The following SLC7A11 variants were observed in gnomAD, a reference collection of about 807,000 sequenced individuals.
SLC7A11 encodes the protein cystine/glutamate transporter.
Under a neutral mutation model 54.5 loss-of-function variants are expected in SLC7A11, and 35 were observed. The observed-to-expected ratio is 0.64, with a 90% CI of 0.49 to 0.85. SLC7A11 has a LOEUF of 0.85. Among genes scored for constraint, SLC7A11 ranks in the 40% least tolerant of loss-of-function variants. SLC7A11 has a pLI of 0.00. For missense variants in SLC7A11, 583 were observed against 618.1 expected (o/e 0.94, Z 0.60); for synonymous variants, 230 against 225.2 (o/e 1.02, Z -0.19).
Position 138,219,328 on chromosome 4 carries a change from T to G in SLC7A11, c.684A>C (p.Arg228Ser). ...GTGGCAACCGCGTAATACTTGAATC[T>G]CTTCCTGAAAAGGCGTCTTTAAAGT... is the stretch of plus-strand genomic sequence containing the variant. Reference protein sequence around the residue: ...TQNFKDAFSGRDSSITRLPLA... With the variant: ...TQNFKDAFSGSDSSITRLPLA... The change falls in exon 5 of 12, where the codon AGA (arginine) becomes AGC (serine). Residue 228 changes from arginine (R) to serine (S), a missense_variant. Physicochemically the swap from Arg to Ser is moderately radical, Grantham distance 110. Transcript: ENST00000280612. 1 of 1,611,138 alleles carries G rather than the reference T, an allele frequency of 6.2e-7. No individual in the cohort carries two copies. Among genetic ancestry groups the G allele is most frequent in the Non-Finnish European group, 8.5e-7 (1 of 1,177,462 alleles).
intron 2 of SLC7A11, among the ~76,000 whole-genome samples, chr4:138,234,218 C>T (rs1738151340): frequency 1.3e-5 from 2 of 152,098 alleles, no homozygotes; most frequent in Non-Finnish European, 2.9e-5. Flanking sequence ...ATATATAGTG[C>T]ACACGCAAAT....
intron 6 of SLC7A11, among the ~76,000 whole-genome samples, chr4:138,213,893 A>G (rs1355827693): frequency 6.6e-6 from 1 of 152,132 alleles, no homozygotes; most frequent in African/African-American, 2.4e-5. Context: ...TTTATACTAT[A>G]CTACAGTTCC....
chr4:138,183,479 A>G (rs1199871925), intron 7 of SLC7A11, among the ~76,000 whole-genome samples, 174 bp from the exon 8 acceptor site: 4 of 152,130 alleles, frequency 2.6e-5, no homozygotes, highest in Admixed American at 6.6e-5. Flanking sequence ...AATCAAAAGC[A>G]AGGACCATGG....
In SLC7A11 at chr4:138,242,203, G is replaced by T; in HGVS notation, c.-134C>A. ...CTCTCTCAGCGCTATAGTGTTCACA[G>T]GTGAAAACTCAAAGGTGTGCTTTTT... On this transcript the variant is annotated 5_prime_UTR_variant, in exon 1 of 12. The change creates a new upstream start codon in the 5' untranslated region. Coordinates refer to ENST00000280612, the MANE Select transcript of SLC7A11 (RefSeq NM_014331.4). 1.9e-6 allele frequency: 2 copies of T among 1,026,722 alleles called. No homozygotes were observed. The highest frequency in any genetic ancestry group is 2.8e-6 in the Non-Finnish European group (2 of 717,288). The allele number at this position is 1,026,722 out of a possible 1,614,324, so 63.6% of individuals were successfully genotyped here.
intron 4 of SLC7A11, 43 bp from the exon 5 acceptor site, chr4:138,219,408 G>T: frequency 8.4e-7 from 1 of 1,188,260 alleles, no homozygotes; most frequent in South Asian, 1.3e-5. Flanking sequence ...TCAAAGAATT[G>T]GTTCTTATTC....
intron 11 of SLC7A11, chr4:138,174,553 C>T (rs571260373): frequency 1.3e-5 from 2 of 152,264 alleles, no homozygotes; most frequent in African/African-American, 4.8e-5. Flanking sequence ...GTCACAGCAA[C>T]TTCTCCTTCT....
chr4:138,186,022 G>A (rs1012213418), intron 6 of SLC7A11, among the ~76,000 whole-genome samples: 30 of 152,038 alleles, frequency 2.0e-4, no homozygotes, highest in African/African-American at 6.5e-4. Flanking sequence ...AAGTACGGAC[G>A]ACCGGACAGT....
In SLC7A11 at chr4:138,223,333, A is replaced by C; in HGVS notation, c.521-9T>G. 1 of 1,611,938 alleles carries C rather than the reference A, an allele frequency of 6.2e-7. No individual in the cohort carries two copies. The highest frequency in any genetic ancestry group is 8.5e-7 in the Non-Finnish European group (1 of 1,178,748). Reference sequence around the variant, plus strand: ...TAGGACCATCACTACAGCTGCAAACAAATAGAGGAAGTTACAAAAGGTGAA... The same window carrying C: ...TAGGACCATCACTACAGCTGCAAACCAATAGAGGAAGTTACAAAAGGTGAA... On this transcript the variant is annotated splice_polypyrimidine_tract_variant and intron_variant, in intron 3 of 11. Coordinates refer to ENST00000280612, the MANE Select transcript of SLC7A11 (RefSeq NM_014331.4).
Position 138,241,861 on chromosome 4 carries a change from A to C in SLC7A11, c.209T>G (p.Leu70Arg), listed in dbSNP as rs755988943. 6.2e-7 allele frequency: 1 copy of C among 1,614,116 alleles called. No homozygotes were observed. Among genetic ancestry groups the C allele is most frequent in the Non-Finnish European group, 8.5e-7 (1 of 1,180,024 alleles). ...CATGCCCACGCTGCCCGTGTTCTGGAGCACGCCCTTAGGAGAGATGAAGAT... is the reference window on the plus strand; with the variant it reads ...CATGCCCACGCTGCCCGTGTTCTGGCGCACGCCCTTAGGAGAGATGAAGAT... ...AGIFISPKGV[L>R]QNTGSVGMSL... Residue 70 changes from leucine to arginine, a missense_variant, in exon 1 of 12, where the codon CTC becomes CGC. Physicochemically the swap from Leu to Arg is moderately radical, Grantham distance 102 (BLOSUM62 -2). Coordinates refer to ENST00000280612, the MANE Select transcript of SLC7A11 (RefSeq NM_014331.4).
intron 6 of SLC7A11, among the ~76,000 whole-genome samples, chr4:138,198,082 C>T (rs1737184112): frequency 6.7e-6 from 1 of 149,784 alleles, no homozygotes; most frequent in Non-Finnish European, 1.5e-5. Context: ...TATATTATAT[C>T]AGGTTTAAAA....
intron 6 of SLC7A11, among the ~76,000 whole-genome samples, chr4:138,196,834 A>AT (rs1192956550): frequency 3.3e-5 from 5 of 151,836 alleles, no homozygotes; most frequent in African/African-American, 1.2e-4. Flanking sequence ...TTATTTTTGT[A>AT]TTTTTAGTAG....
At chr4:138,201,017 A>G (rs925336280) in intron 6 of SLC7A11, among the ~76,000 whole-genome samples, 1 of 152,162 alleles carries the variant, frequency 6.6e-6, no homozygotes, top group Non-Finnish European at 1.5e-5. Flanking sequence ...AAAAGCCAAT[A>G]GAAGAGATTC....
intron 5 of SLC7A11, among the ~76,000 whole-genome samples, chr4:138,217,202 G>A (rs1737701369): frequency 6.6e-6 from 1 of 152,106 alleles, no homozygotes; most frequent in Admixed American, 6.6e-5. Flanking sequence ...CCCTACATAA[G>A]CCACTTGTAT....
chr4:138,204,696 T>C (rs547511036), intron 6 of SLC7A11, among the ~76,000 whole-genome samples: 1 of 150,550 alleles, frequency 6.6e-6, no homozygotes, highest in East Asian at 2.0e-4. Context: ...ACGATGACAA[T>C]AGGGGTGTGA....
chr4:138,183,682 C>T (rs1736803512), intron 7 of SLC7A11, among the ~76,000 whole-genome samples: 1 of 152,062 alleles, frequency 6.6e-6, no homozygotes, highest in African/African-American at 2.4e-5. Context: ...TTCTCTTTAG[C>T]CTGGAAAACC....
Position 138,193,953 on chromosome 4 carries a change from A to G in SLC7A11, c.792-8709T>C, listed in dbSNP as rs114988888. On this transcript the variant is annotated intron_variant, in intron 6 of 11. Coordinates refer to ENST00000280612, the MANE Select transcript of SLC7A11 (RefSeq NM_014331.4). ...CATACTCTTAGAGTAATTAAGGGAA[A>G]AATAATTTTAGCAAATGAAGCTAAT... 2.1e-3 allele frequency among the ~76,000 whole-genome samples: 316 copies of G among 152,298 alleles called. 4 individuals are homozygous for G. The highest frequency in any genetic ancestry group is 7.4e-3 in the African/African-American group (306 of 41,568).
chr4:138,191,414 AC>A (rs1418356045), intron 6 of SLC7A11, among the ~76,000 whole-genome samples: 1 of 152,150 alleles, frequency 6.6e-6, no homozygotes, highest in African/African-American at 2.4e-5. Flanking sequence ...AGACAGAGAG[AC>A]CTGTAGGGAG....
At chr4:138,219,825 A>G (rs1477943298) in intron 4 of SLC7A11, among the ~76,000 whole-genome samples, 1 of 152,104 alleles carries the variant, frequency 6.6e-6, no homozygotes, top group African/African-American at 2.4e-5. Context: ...CCTTTCCTAC[A>G]CAATTTACCT....
intron 6 of SLC7A11, among the ~76,000 whole-genome samples, chr4:138,206,996 CAA>C (rs369656942): frequency 8.8e-6 from 1 of 113,600 alleles, no homozygotes. Context: ...TAAAGAAAAG[CAA>C]AAAAAAAAAA....
Sources: gnomAD v4.1 joint callset for allele counts (sites outside exome capture counted in the v4.1 genomes callset) on GRCh38, gnomAD v4.1.1 for gene constraint, MANE v1.5 for transcripts, NCBI Gene and HGNC (gene_info 2026-07-23, HGNC 2026-07-21) for gene names.